RABGAP1: variants seen among roughly 807,000 people sequenced by gnomAD.
RABGAP1 encodes rab GTPase-activating protein 1.
A neutral mutation model predicts 137.6 loss-of-function variants in RABGAP1; 23 were observed. The observed-to-expected ratio is 0.17, with a 90% CI of 0.12 to 0.24. The LOEUF (loss-of-function observed/expected upper bound fraction) is 0.24. RABGAP1 is among the 10% of genes least tolerant of loss of function. RABGAP1 has a pLI of 1.00. For missense variants in RABGAP1, 906 were observed against 1,275.8 expected (o/e 0.71, Z 4.42); for synonymous variants, 451 against 450.7 (o/e 1.00, Z -0.01).
chr9:122,981,299 T>G (rs1012811994), intron 2 of RABGAP1, among the ~76,000 whole-genome samples: 15 of 152,132 alleles, frequency 9.9e-5, no homozygotes, highest in Non-Finnish European at 1.9e-4. Context: ...GTGCTGGGAT[T>G]ATAGGTTTGA....
chr9:122,952,177 G>A (rs1834285621), intron 1 of RABGAP1, among the ~76,000 whole-genome samples: 1 of 152,214 alleles, frequency 6.6e-6, no homozygotes, highest in South Asian at 2.1e-4. Context: ...TTTTAAAAGA[G>A]AGGTAAGGCT....
At chr9:122,970,655 C>T (rs1397413889) in intron 2 of RABGAP1, among the ~76,000 whole-genome samples, 1 of 152,096 alleles carries the variant, frequency 6.6e-6, no homozygotes, top group Non-Finnish European at 1.5e-5. Context: ...CCATTGTTCC[C>T]ATCTTTATGT....
Position 122,996,570 on chromosome 9 carries a change from G to A in RABGAP1, c.1066G>A (p.Asp356Asn). 6.2e-7 allele frequency: 1 copy of A among 1,609,572 alleles called. No homozygotes were observed. The highest frequency in any genetic ancestry group is 8.5e-7 in the Non-Finnish European group (1 of 1,177,386). ...CFGLLLSPGK[D>N]VRNSDMHLLD... ...TGGTCTTCTCCTTAGTCCAGGAAAA[G>A]ATGTACGAAATAGTGACATGCACTT... The change falls in exon 8 of 26, where the codon GAT becomes AAT. Residue 356 changes from aspartate to asparagine, a missense_variant. Asp to Asn is a conservative substitution (Grantham distance 23). Coordinates refer to ENST00000373647, the MANE Select transcript of RABGAP1 (RefSeq NM_012197.4).
At chr9:123,095,708 GAA>G (rs200488779) in intron 21 of RABGAP1, among the ~76,000 whole-genome samples, 2 of 134,000 alleles carry the variant, frequency 1.5e-5, no homozygotes, top group Admixed American at 7.5e-5. Flanking sequence ...TGTCTTTGAA[GAA>G]AAAAAAAAAA....
At chr9:122,941,875 C>T (rs1032493667) in intron 1 of RABGAP1, among the ~76,000 whole-genome samples, 1 of 152,238 alleles carries the variant, frequency 6.6e-6, no homozygotes, top group Non-Finnish European at 1.5e-5. Context: ...ATCTGCATAC[C>T]TTTGGTTACT....
At chr9:122,990,816 T>C (rs1209982800) in intron 6 of RABGAP1, 1 of 111,868 alleles carries the variant, frequency 8.9e-6, no homozygotes, top group Non-Finnish European at 1.7e-5. Context: ...TATATATATA[T>C]ATATATATAT....
At chr9:123,013,861 G>T (rs1410052217) in intron 11 of RABGAP1, among the ~76,000 whole-genome samples, 4 of 152,120 alleles carry the variant, frequency 2.6e-5, no homozygotes, top group Admixed American at 1.3e-4. Flanking sequence ...GAGGTGTAAA[G>T]ATCCAAACTT....
At chr9:123,101,791 C>A in intron 25 of RABGAP1, 28 bp downstream of exon 25, 1 of 1,543,578 alleles carries the variant, frequency 6.5e-7, no homozygotes, top group Non-Finnish European at 8.7e-7. Context: ...CAGACATGTG[C>A]CTGCGGGCTG....
chr9:122,965,262 T>C (rs540380147), intron 2 of RABGAP1, among the ~76,000 whole-genome samples: 2 of 152,202 alleles, frequency 1.3e-5, no homozygotes, highest in Non-Finnish European at 2.9e-5. Context: ...ATATGAAATA[T>C]TCAGAATAGG....
At chr9:123,022,647 C>T (rs1309765067) in intron 13 of RABGAP1, among the ~76,000 whole-genome samples, 3 of 151,944 alleles carry the variant, frequency 2.0e-5, no homozygotes, top group Non-Finnish European at 2.9e-5. Context: ...CCTCATGATC[C>T]GCCCGCCTCG....
intron 6 of RABGAP1, among the ~76,000 whole-genome samples, chr9:122,993,866 GTTGGC>G (rs765248963): frequency 3.3e-5 from 5 of 152,012 alleles, no homozygotes; most frequent in Non-Finnish European, 7.4e-5. Flanking sequence ...GTTTTACCAT[GTTGGC>G]CAGGCTGGTC....
At chr9:122,970,074 A>ATTTTTTTTTTT (rs34261698) in intron 2 of RABGAP1, among the ~76,000 whole-genome samples, 4 of 143,480 alleles carry the variant, frequency 2.8e-5, no homozygotes, top group African/African-American at 2.6e-5. Context: ...TATCCGGCTA[A>ATTTTTTTTTTT]TTTTTTTTTT....
At chr9:122,982,873 T>A (rs1001757064) in intron 2 of RABGAP1, among the ~76,000 whole-genome samples, 5 of 151,972 alleles carry the variant, frequency 3.3e-5, no homozygotes, top group South Asian at 2.1e-4. Flanking sequence ...ATGTCACTTT[T>A]AAAAAAAAGT....
chr9:122,950,373 C>CTTTTTTTT (rs1834164826), intron 1 of RABGAP1, among the ~76,000 whole-genome samples: 4 of 48,798 alleles, frequency 8.2e-5, no homozygotes, highest in African/African-American at 3.2e-4. Context: ...TTTTCTTTTT[C>CTTTTTTTT]TTTCTTTTTT....
At chr9:123,102,968 T>G (rs1216930025) in intron 25 of RABGAP1, 123 bp from the exon 26 acceptor site, 1 of 1,312,954 alleles carries the variant, frequency 7.6e-7, no homozygotes, top group African/African-American at 1.5e-5. Flanking sequence ...AGTTGGAGAC[T>G]GGGGGAATTC....
chr9:123,074,535 A>T (rs1457702623), intron 17 of RABGAP1, 107 bp downstream of exon 17: 15 of 1,234,818 alleles, frequency 1.2e-5, no homozygotes, highest in Non-Finnish European at 1.7e-5. Flanking sequence ...GGTCTCTTTA[A>T]TTATTTTATT....
chr9:123,054,236 C>T (rs932169639), intron 13 of RABGAP1, among the ~76,000 whole-genome samples: 1 of 152,212 alleles, frequency 6.6e-6, no homozygotes, highest in African/African-American at 2.4e-5. Flanking sequence ...AAATAAATCA[C>T]AAGAACAGAG....
upstream of RABGAP1, among the ~76,000 whole-genome samples, chr9:122,935,940 G>A (rs1314726028): frequency 6.6e-6 from 1 of 152,038 alleles, no homozygotes. Flanking sequence ...GCCAGATATA[G>A]ATTTTTCCAT....
chr9:122,934,614 G>A, the RABGAP1 span, among the ~76,000 whole-genome samples: 11 of 151,778 alleles, frequency 7.2e-5, no homozygotes, highest in Non-Finnish European at 1.5e-4. Flanking sequence ...TGGTCTTCTC[G>A]CCTCAGCCTC....
Sources: allele counts gnomAD v4.1 joint callset (sites outside exome capture counted in the v4.1 genomes callset), GRCh38; gene constraint gnomAD v4.1.1; transcripts MANE v1.5; gene names NCBI Gene and HGNC (gene_info 2026-07-23, HGNC 2026-07-21).